EED: variants seen among roughly 807,000 people sequenced by gnomAD.
The protein encoded by EED is polycomb protein EED.
A neutral mutation model predicts 61.0 loss-of-function variants in EED; 9 were observed. That is an observed-to-expected ratio of 0.15 (90% CI 0.09 to 0.26). The LOEUF (loss-of-function observed/expected upper bound fraction) is 0.26. Ranked by LOEUF, EED falls within the 10% of genes least tolerant of loss-of-function variation. The pLI, the probability that EED is intolerant of heterozygous loss-of-function variation, is 1.00. For missense variants in EED, 315 were observed against 542.3 expected, an observed-to-expected ratio of 0.58 and a Z score of 4.16; for synonymous variants, 187 against 174.4, an observed-to-expected ratio of 1.07 and a Z score of -0.57.
chr11:86,270,874 A>AT (rs1270765100), intron 9 of EED, among the ~76,000 whole-genome samples: 1 of 152,144 alleles, frequency 6.6e-6, no homozygotes, highest in Non-Finnish European at 1.5e-5. Context: ...TTTCATCTGT[A>AT]TATCTGTCCC....
chr11:86,250,858 T>A (rs1481053537), intron 2 of EED, among the ~76,000 whole-genome samples: 5 of 152,166 alleles, frequency 3.3e-5, no homozygotes, highest in Non-Finnish European at 7.4e-5. Context: ...TGTTTTACTT[T>A]GTACAGTTTC....
At chr11:86,249,045 T>C (rs1211800582) in intron 1 of EED, among the ~76,000 whole-genome samples, 3 of 152,170 alleles carry the variant, frequency 2.0e-5, no homozygotes, top group Non-Finnish European at 4.4e-5. Flanking sequence ...AGGGCTATAG[T>C]CTGGTAACTT....
chr11:86,266,192 A>T lies in EED; in HGVS notation c.836A>T (p.Asp279Val). 1 of 1,599,078 alleles carries T rather than the reference A, an allele frequency of 6.3e-7. No homozygotes were observed. Among genetic ancestry groups the T allele is most frequent in the Non-Finnish European group, 8.5e-7 (1 of 1,170,490 alleles). Residue 279 changes from aspartate (D) to valine (V), a missense_variant, in exon 8 of 12, where the codon GAT becomes GTT. Transcript: ENST00000263360. ...RMMNAIKESYDYNPNKTNRPF... is the reference protein window; with the variant it reads ...RMMNAIKESYVYNPNKTNRPF... The stretch of plus-strand genomic sequence containing the variant: ...ATGAATGCAATTAAGGAATCTTATG[A>T]TTATAATCCAAATAAAACTAACAGG...
In EED at chr11:86,256,614, C is replaced by T. The variant is rs555779960; in HGVS notation, c.552+102C>T. ...AACTAATGGTATGAATGTAACATTT[C>T]TCATTTGATTTGTACTTTTCTTACT... On this transcript the variant is annotated intron_variant, in intron 5 of 11. Transcript: ENST00000263360. The T allele has an allele frequency of 8.5e-6, 10 of 1,178,902 alleles. 1 individual carries two copies. The African/African-American group carries it at 1.1e-4, about 13-fold the overall frequency. The allele number at this position is 1,178,902 out of a possible 1,614,324, so 73.0% of individuals were successfully genotyped here. A position where few individuals can be genotyped will look rare whatever the true frequency, so the allele number is the denominator to read the frequency against.
intron 3 of EED, among the ~76,000 whole-genome samples, chr11:86,253,595 C>A (rs1323748409): frequency 6.6e-6 from 1 of 152,118 alleles, no homozygotes; most frequent in Admixed American, 6.5e-5. Context: ...CCACATAAGA[C>A]ATAACCTAGT....
In EED at chr11:86,278,475, A is replaced by T; in HGVS notation, c.1276A>T (p.Ile426Leu). The change falls in exon 12 of 12, where the codon ATA (isoleucine) becomes TTA (leucine). Residue 426 changes from isoleucine to leucine, a missense_variant. Physicochemically the swap from Ile to Leu is conservative, Grantham distance 5. Transcript: ENST00000263360. ...TTTTAGCAGGGATAGCAGCATTCTTATAGCTGTTTGTGATGATGCCAGTAT... is the reference window on the plus strand; with the variant it reads ...TTTTAGCAGGGATAGCAGCATTCTTTTAGCTGTTTGTGATGATGCCAGTAT... ...TSFSRDSSIL[I>L]AVCDDASIWR... The T allele has an allele frequency of 6.2e-7, 1 of 1,613,684 alleles. No individual in the cohort carries two copies. Among genetic ancestry groups the T allele is most frequent in the Non-Finnish European group, 8.5e-7 (1 of 1,179,830 alleles).
intron 3 of EED, among the ~76,000 whole-genome samples, chr11:86,254,554 C>T (rs1265308343): frequency 1.3e-5 from 2 of 151,790 alleles, no homozygotes; most frequent in African/African-American, 2.4e-5. Context: ...CTCCTGACCT[C>T]GTGATCCACC....
At chr11:86,248,052 C>T (rs1159998846) in intron 1 of EED, among the ~76,000 whole-genome samples, 1 of 152,164 alleles carries the variant, frequency 6.6e-6, no homozygotes, top group Non-Finnish European at 1.5e-5. Context: ...AGCAAAGATG[C>T]AGGGAATCCC....
At chr11:86,283,063 A>G (rs1276287242), downstream of EED, among the ~76,000 whole-genome samples, 1 of 152,070 alleles carries the variant, frequency 6.6e-6, no homozygotes, top group Non-Finnish European at 1.5e-5. Flanking sequence ...AAGAACAACA[A>G]ACAACAGGCA....
chr11:86,287,119 G>A, the EED span, among the ~76,000 whole-genome samples: 3 of 144,448 alleles, frequency 2.1e-5, no homozygotes, highest in African/African-American at 7.7e-5. Flanking sequence ...TTGTAATGCT[G>A]GTTGTAACTC....
intron 3 of EED, 58 bp downstream of exon 3, chr11:86,252,298 T>A: frequency 8.3e-7 from 1 of 1,208,840 alleles, no homozygotes; most frequent in Non-Finnish European, 1.2e-6. Context: ...GGTGTTAATG[T>A]AATATTGAAA....
At chr11:86,283,669 G>A (rs916722667), downstream of EED, among the ~76,000 whole-genome samples, 1 of 152,144 alleles carries the variant, frequency 6.6e-6, no homozygotes, top group Non-Finnish European at 1.5e-5. Flanking sequence ...TACATTTGTT[G>A]AAGTAAAAAA....
In EED at chr11:86,277,927, T is replaced by G; in HGVS notation, c.1135T>G (p.Leu379Val). ...SMDFWQKMLALGNQVGKLYVW... is the reference protein window; with the variant it reads ...SMDFWQKMLAVGNQVGKLYVW... ...AAATATGTTTATACAGATGCTTGCA[T>G]TGGGCAATCAAGTTGGCAAACTTTA... Residue 379 changes from leucine to valine, a missense_variant, in exon 11 of 12, where the codon TTG becomes GTG. Physicochemically the swap from Leu to Val is conservative, Grantham distance 32 (BLOSUM62 1). Around this residue, in one of 2 missense-constraint regions of EED, gnomAD observed 205 missense variants for 455.4 expected, o/e 0.45. Coordinates refer to ENST00000263360, the MANE Select transcript of EED (RefSeq NM_003797.5). The G allele has an allele frequency of 6.5e-7, 1 of 1,546,204 alleles. No individual in the cohort carries two copies. Among genetic ancestry groups the G allele is most frequent in the Non-Finnish European group, 8.6e-7 (1 of 1,156,238 alleles).
the EED span, among the ~76,000 whole-genome samples, chr11:86,285,743 G>A: frequency 3.3e-5 from 5 of 151,904 alleles, no homozygotes; most frequent in Admixed American, 6.6e-5. Context: ...GATTACAGGC[G>A]TGCGCCACCA....
At chr11:86,250,234 T>G (rs1253896110) in intron 1 of EED, 62 bp from the exon 2 acceptor site, 2 of 1,375,066 alleles carry the variant, frequency 1.5e-6, no homozygotes, top group African/African-American at 3.0e-5. Flanking sequence ...CCCAGTAGAG[T>G]TATTTACTGC....
At chr11:86,255,024 G>C (rs1186448557) in intron 3 of EED, among the ~76,000 whole-genome samples, 198 bp from the exon 4 acceptor site, 1 of 152,220 alleles carries the variant, frequency 6.6e-6, no homozygotes, top group Non-Finnish European at 1.5e-5. Flanking sequence ...GACTATTACT[G>C]CAATATTTAA....
In EED at chr11:86,256,375, G is replaced by A. The variant is rs1945675093; in HGVS notation, c.427-12G>A. On this transcript the variant is annotated splice_polypyrimidine_tract_variant and intron_variant, in intron 4 of 11. Transcript: ENST00000263360. ...CAAAAACATTATGTTTCTTAACTGT[G>A]GAATTTCTTAGGCTGATGAAAACTT... 1 of 1,553,508 alleles carries A rather than the reference G, an allele frequency of 6.4e-7. No homozygotes were observed. Among genetic ancestry groups the A allele is most frequent in the Middle Eastern group, 1.7e-4 (1 of 5,804 alleles).
chr11:86,261,537 T>TC (rs2138181497), intron 6 of EED, among the ~76,000 whole-genome samples: 1 of 152,324 alleles, frequency 6.6e-6, no homozygotes, highest in Non-Finnish European at 1.5e-5. Flanking sequence ...GATGGCTTTT[T>TC]CCCCATGGCT....
chr11:86,256,652 TGA>T, intron 5 of EED, 140 bp downstream of exon 5: 2 of 820,786 alleles, frequency 2.4e-6, no homozygotes, highest in Non-Finnish European at 1.7e-6. Context: ...TCTCTTTGGA[TGA>T]GTCTTTTGAG....
Sources: allele counts gnomAD v4.1 joint callset (sites outside exome capture counted in the v4.1 genomes callset), GRCh38; gene constraint gnomAD v4.1.1; regional missense constraint gnomAD v4.1.1; transcripts MANE v1.5; gene names NCBI Gene and HGNC (gene_info 2026-07-23, HGNC 2026-07-21).